The following STK36 variants were observed in gnomAD, a reference collection of about 807,000 sequenced individuals.
STK36 encodes serine/threonine-protein kinase 36.
STK36 carries 116 observed loss-of-function variants against 142.2 expected under a neutral mutation model. The ratio of observed to expected loss-of-function variants is 0.82; its 90% CI spans 0.70 to 0.95. The LOEUF (loss-of-function observed/expected upper bound fraction) is 0.95. STK36 is among the 40% of genes least tolerant of loss of function. STK36 has a pLI of 0.00. For missense variants in STK36, 1,422 were observed against 1,617.2 expected (o/e 0.88, Z 2.07); for synonymous variants, 619 against 641.7 (o/e 0.96, Z 0.53).
chr2:218,676,859 C>T (rs1471640557), intron 6 of STK36, among the ~76,000 whole-genome samples: 1 of 151,918 alleles, frequency 6.6e-6, no homozygotes, highest in African/African-American at 2.4e-5. Flanking sequence ...ACCGTGTTAG[C>T]CAGCATGGTC....
chr2:218,676,805 C>T lies in STK36; in HGVS notation c.684+527C>T, dbSNP rs191459245. 1.2e-3 allele frequency among the ~76,000 whole-genome samples: 185 copies of T among 151,472 alleles called. 4 individuals are homozygous for T. Among genetic ancestry groups the T allele is most frequent in the Non-Finnish European group, 1.3e-4 (9 of 67,848 alleles). ...CTGGGATTACAGGTGCCCACCACGA[C>T]ACCCGGCTAATTTTTTTGTATTTTT... On this transcript the variant is annotated intron_variant, in intron 6 of 26. Coordinates refer to ENST00000295709, the MANE Select transcript of STK36 (RefSeq NM_015690.5).
rs1452306638 is a variant in STK36, at chr2:218,690,508, G to A, written c.1717G>A (p.Ala573Thr). 1 of 1,614,026 alleles carries A rather than the reference G, an allele frequency of 6.2e-7. No individual in the cohort carries two copies. The highest frequency in any genetic ancestry group is 1.3e-5 in the African/African-American group (1 of 74,916). ...LFLDLLGKLLAQPDDSEQTLR... is the reference protein window; with the variant it reads ...LFLDLLGKLLTQPDDSEQTLR... ...TCTGGACCTGTTGGGGAAACTGCTGGCCCAACCAGATGACTCTGAGCAGAC... is the reference window on the plus strand; with the variant it reads ...TCTGGACCTGTTGGGGAAACTGCTGACCCAACCAGATGACTCTGAGCAGAC... Residue 573 changes from alanine (A) to threonine (T), a missense_variant, in exon 14 of 27, where the codon GCC becomes ACC. Physicochemically the swap from Ala to Thr is moderately conservative, Grantham distance 58. Around this residue, in one of 2 missense-constraint regions of STK36, gnomAD observed 962 missense variants for 1,167.5 expected, o/e 0.82. Coordinates refer to ENST00000295709, the MANE Select transcript of STK36 (RefSeq NM_015690.5).
At position 218,685,130 on chromosome 2, in the gene STK36, GA is replaced by G. The variant is rs1162968474; in HGVS notation, c.1283del (p.Glu428GlyfsTer7). 6.2e-7 allele frequency: 1 copy of G among 1,614,002 alleles called. No homozygotes were observed. The highest frequency in any genetic ancestry group is 2.2e-5 in the East Asian group (1 of 44,890). On this transcript the variant is annotated frameshift_variant, in exon 11 of 27. Coordinates refer to ENST00000295709, the MANE Select transcript of STK36 (RefSeq NM_015690.5). LOFTEE classifies it high-confidence loss of function. ...NEWQHLLETT[E>X]PVPIQLKAPL... ...GTGGCAGCACCTGCTAGAGACCACT[GA>G]GCCTGTGCCTATTCAACTGAAGGCT...
At chr2:218,681,493 GA>G (rs2106349882) in intron 10 of STK36, among the ~76,000 whole-genome samples, 1 of 152,234 alleles carries the variant, frequency 6.6e-6, no homozygotes, top group East Asian at 1.9e-4. Context: ...CAAACTTAAA[GA>G]ATAATTGTGA....
chr2:218,694,148 G>A lies in STK36; in HGVS notation c.2337-116G>A. The A allele has an allele frequency of 8.4e-7, 1 of 1,187,274 alleles. No homozygotes were observed. The highest frequency in any genetic ancestry group is 1.3e-6 in the Non-Finnish European group (1 of 799,150). The allele number at this position is 1,187,274 out of a possible 1,614,324, so 73.5% of individuals were successfully genotyped here. A position where few individuals can be genotyped will look rare whatever the true frequency, so the allele number is the denominator to read the frequency against. ...ACAGACCTAGACTCCCATCAACTTT[G>A]TGCCTTGGAGGTAGACATGCAGCCT... On this transcript the variant is annotated intron_variant, in intron 19 of 26. Transcript: ENST00000295709. This position sits in a 1 kb window ranked among gnomAD's most constrained non-coding sequence, Gnocchi z 4.4.
At position 218,696,530 on chromosome 2, in the gene STK36, C is replaced by A; in HGVS notation, c.2515C>A (p.Arg839=). Residue 839 remains arginine (R), a synonymous_variant, in exon 22 of 27, where the codon CGG becomes AGG. Coordinates refer to ENST00000295709, the MANE Select transcript of STK36 (RefSeq NM_015690.5). ...THALSAPAEV[R]LTPPGSCGFY... ...TCTTCATGTTTCTCTCTGACAGGTT[C>A]GGTTGACTCCACCAGGTAGTTGTGG... 1.2e-6 allele frequency: 2 copies of A among 1,614,042 alleles called. No individual in the cohort carries two copies. The highest frequency in any genetic ancestry group is 2.7e-5 in the African/African-American group (2 of 75,042).
chr2:218,692,345 A>C, intron 15 of STK36, 52 bp downstream of exon 15: 3 of 1,607,622 alleles, frequency 1.9e-6, no homozygotes, highest in Non-Finnish European at 2.5e-6. Flanking sequence ...TGCATAGGTC[A>C]GGCTCCGCTC....
Position 218,679,965 on chromosome 2 carries a change from C to A in STK36, c.1021C>A (p.Leu341Met). 6.2e-7 allele frequency: 1 copy of A among 1,614,246 alleles called. No individual in the cohort carries two copies. Among genetic ancestry groups the A allele is most frequent in the Non-Finnish European group, 8.5e-7 (1 of 1,180,030 alleles). The change falls in exon 9 of 27, where the codon CTG (leucine) becomes ATG (methionine). Residue 341 changes from leucine (L) to methionine (M), a missense_variant. Leu to Met is a conservative substitution (Grantham distance 15, BLOSUM62 2). Around this residue, in one of 2 missense-constraint regions of STK36, gnomAD observed 460 missense variants for 449.6 expected, o/e 1.02. Coordinates refer to ENST00000295709, the MANE Select transcript of STK36 (RefSeq NM_015690.5). ...CAAGGTGGCTCCTGGCACAGCCCCT[C>A]TGCCCAGACTCGGGGCCACTCCTCA... ...TSKVAPGTAPLPRLGATPQES... is the reference protein window; with the variant it reads ...TSKVAPGTAPMPRLGATPQES...
chr2:218,682,703 C>A (rs1279110410), intron 10 of STK36, among the ~76,000 whole-genome samples: 1 of 152,178 alleles, frequency 6.6e-6, no homozygotes, highest in Non-Finnish European at 1.5e-5. Context: ...AAGCAATCCT[C>A]CTGCCTCAGC....
At chr2:218,692,732 T>C in intron 16 of STK36, 22 bp downstream of exon 16, 1 of 1,600,164 alleles carries the variant, frequency 6.2e-7, no homozygotes, top group Non-Finnish European at 8.5e-7. Flanking sequence ...AATTGGTTGT[T>C]CCTCTCATCC....
At chr2:218,688,040 C>T (rs1367065826) in intron 11 of STK36, among the ~76,000 whole-genome samples, 1 of 152,142 alleles carries the variant, frequency 6.6e-6, no homozygotes, top group African/African-American at 2.4e-5. Flanking sequence ...CACCTGTAAT[C>T]CCAGCTACTT....
At chr2:218,674,511 C>T (rs925485744) in intron 4 of STK36, among the ~76,000 whole-genome samples, 1 of 152,192 alleles carries the variant, frequency 6.6e-6, no homozygotes, top group Non-Finnish European at 1.5e-5. Flanking sequence ...AAGTAGGCCC[C>T]CCCTGGGATT....
chr2:218,679,699 T>TA lies in STK36; in HGVS notation c.921dup (p.Arg308ThrfsTer4). 1 of 1,614,150 alleles carries TA rather than the reference T, an allele frequency of 6.2e-7. No homozygotes were observed. The highest frequency in any genetic ancestry group is 1.1e-5 in the South Asian group (1 of 91,088). On this transcript the variant is annotated frameshift_variant, in exon 8 of 27. Transcript: ENST00000295709. LOFTEE classifies it high-confidence loss of function. ...AGTCTCGCATCTTGACTCAGGCCTA[T>TA]AAACGCATGGCTGAGGAGGCCATGC...
Position 218,688,684 on chromosome 2 carries a change from T to G in STK36, c.1381-13T>G. ...AAATATCAATCGTTGCCTCTTTCCC[T>G]CATGTCACCCAGATCCTGAAAGGCA... On this transcript the variant is annotated splice_polypyrimidine_tract_variant and intron_variant, in intron 11 of 26. Coordinates refer to ENST00000295709, the MANE Select transcript of STK36 (RefSeq NM_015690.5). The G allele has an allele frequency of 6.2e-7, 1 of 1,608,486 alleles. No homozygotes were observed. Among genetic ancestry groups the G allele is most frequent in the South Asian group, 1.1e-5 (1 of 90,352 alleles).
intron 6 of STK36, among the ~76,000 whole-genome samples, chr2:218,676,666 T>TTG: frequency 6.6e-6 from 1 of 150,954 alleles, no homozygotes; most frequent in African/African-American, 2.4e-5. Flanking sequence ...TTTTTTTTTT[T>TTG]GAGACAGAGT....
At position 218,694,633 on chromosome 2, in the gene STK36, G is replaced by A. The variant is rs1250384172; in HGVS notation, c.2509G>A (p.Glu837Lys). The A allele has an allele frequency of 3.1e-6, 5 of 1,614,052 alleles. No homozygotes were observed. Among genetic ancestry groups the A allele is most frequent in the Non-Finnish European group, 3.4e-6 (4 of 1,179,862 alleles). The change falls in exon 21 of 27, where the codon GAG becomes AAG. Residue 837 changes from glutamate (E) to lysine (K), a missense_variant and splice_region_variant. Coordinates refer to ENST00000295709, the MANE Select transcript of STK36 (RefSeq NM_015690.5). The surrounding 1 kb of genome is among the most constrained non-coding windows in gnomAD (Gnocchi z 4.4). ...AATHALSAPA[E>K]VRLTPPGSCG... ...CACACATGCCTTGTCTGCCCCTGCA[G>A]AGGTGAGGCCCCCCAGGGAGGGCAC...
intron 9 of STK36, 58 bp downstream of exon 9, chr2:218,680,138 T>C: frequency 9.1e-6 from 14 of 1,538,886 alleles, no homozygotes; most frequent in Non-Finnish European, 1.2e-5. Flanking sequence ...TCTTTAACTC[T>C]AGCCAAAGCA....
In STK36 at chr2:218,699,112, C is replaced by T. The variant is rs764023777; in HGVS notation, c.3568C>T (p.Leu1190=). Residue 1190 remains leucine (L), a synonymous_variant, in exon 26 of 27, where the codon CTG becomes TTG. Coordinates refer to ENST00000295709, the MANE Select transcript of STK36 (RefSeq NM_015690.5). ...CCAGGCTGGTCCTCTGGGACCTGCC[C>T]TGGCAGCTGCAGTGCCCAGTATGAC... is the stretch of plus-strand genomic sequence containing the variant. The part of the protein sequence containing the change: ...AYQAGPLGPA[L]AAAVPSMTQL... 2.3e-5 allele frequency: 37 copies of T among 1,613,936 alleles called. No individual in the cohort carries two copies. Among genetic ancestry groups the T allele is most frequent in the Non-Finnish European group, 3.1e-5 (36 of 1,180,028 alleles).
At position 218,689,956 on chromosome 2, in the gene STK36, G is replaced by C; in HGVS notation, c.1658G>C (p.Ser553Thr). The C allele has an allele frequency of 6.3e-7, 1 of 1,581,354 alleles. No homozygotes were observed. Among genetic ancestry groups the C allele is most frequent in the Non-Finnish European group, 8.6e-7 (1 of 1,161,902 alleles). The stretch of plus-strand genomic sequence containing the variant: ...CTGGAGAGGAGCCAGACAAGTGACA[G>C]GTAGGATAAGAAGTGCTTTTGCATT... ...FNLERSQTSDSLQVFQEAANL... is the reference protein window; with the variant it reads ...FNLERSQTSDTLQVFQEAANL... Residue 553 changes from serine to threonine, a missense_variant and splice_region_variant, in exon 13 of 27, where the codon AGC (serine) becomes ACC (threonine). Ser to Thr is a moderately conservative substitution (Grantham distance 58, BLOSUM62 1). This residue lies in a region of STK36 where 962 missense variants were observed against 1,167.5 expected (regional missense o/e 0.82). Transcript: ENST00000295709.
Sources: gnomAD v4.1 joint callset for allele counts (sites outside exome capture counted in the v4.1 genomes callset) on GRCh38, gnomAD v4.1.1 for gene constraint, gnomAD v4.1.1 regional missense constraint, Gnocchi (gnomAD v3.1) non-coding constraint, MANE v1.5 for transcripts, NCBI Gene and HGNC (gene_info 2026-07-23, HGNC 2026-07-21) for gene names.